Variants in FXR1 observed in about 807,000 individuals in gnomAD.
FXR1 encodes the protein FMR1 autosomal homolog 1, also known as RNA-binding protein FXR1.
FXR1 carries 15 observed loss-of-function variants against 84.0 expected under a neutral mutation model. The observed-to-expected ratio is 0.18, with a 90% CI of 0.12 to 0.27. FXR1 has a LOEUF of 0.27. Among genes scored for constraint, FXR1 ranks in the 10% least tolerant of loss-of-function variants. The pLI, the probability that FXR1 is intolerant of heterozygous loss-of-function variation, is 1.00. For synonymous variants in FXR1, 245 were observed against 250.7 expected, an observed-to-expected ratio of 0.98 and a Z score of 0.21; for missense variants, 480 against 774.4, an observed-to-expected ratio of 0.62 and a Z score of 4.51.
chr3:180,954,471 A>G (rs1023958908), intron 9 of FXR1, among the ~76,000 whole-genome samples: 2 of 152,204 alleles, frequency 1.3e-5, no homozygotes, highest in African/African-American at 2.4e-5. Flanking sequence ...GCTATGGTTA[A>G]ATGAGCATTA....
At chr3:180,962,012 T>G (rs141600634) in intron 11 of FXR1, among the ~76,000 whole-genome samples, 27 of 152,342 alleles carry the variant, frequency 1.8e-4, no homozygotes, top group African/African-American at 6.3e-4. Flanking sequence ...CCACTGACAT[T>G]ACTCGATAAT....
In FXR1 at chr3:180,912,745, C is replaced by A; in HGVS notation, c.51+9C>A. 6.2e-7 allele frequency: 1 copy of A among 1,614,018 alleles called. No individual in the cohort carries two copies. Among genetic ancestry groups the A allele is most frequent in the Non-Finnish European group, 8.5e-7 (1 of 1,179,988 alleles). On this transcript the variant is annotated intron_variant, in intron 1 of 16. Coordinates refer to ENST00000357559, the MANE Select transcript of FXR1 (RefSeq NM_005087.4). ...ACGGGGCTTTCTACAAGGTACTGACCGTTTTGCCACTTTGTCGAGTGTTCT... is the reference window on the plus strand; with the variant it reads ...ACGGGGCTTTCTACAAGGTACTGACAGTTTTGCCACTTTGTCGAGTGTTCT...
rs1324173125 is a variant in FXR1, at chr3:180,924,240, G to A, written c.52-9094G>A. ...GCTGGGATTACAGGTGTGAGCTGTC[G>A]TGCCCAGCCTTCAGCCCGAGTTTCT... On this transcript the variant is annotated intron_variant, in intron 1 of 16. Transcript: ENST00000357559. Among the ~76,000 whole-genome samples, 6 of 152,142 alleles carry A rather than the reference G, an allele frequency of 3.9e-5. No individual in the cohort carries two copies. The East Asian group carries it at 5.8e-4, about 15-fold the overall frequency.
In FXR1 at chr3:180,979,756, TACC is replaced by T. The variant is rs1176354003; in HGVS notation, c.*3467_*3469del. 3 of 152,064 alleles carry T rather than the reference TACC, an allele frequency of 2.0e-5. No homozygotes were observed. Among genetic ancestry groups the T allele is most frequent in the Non-Finnish European group, 4.4e-5 (3 of 67,956 alleles). 9.4% of individuals were successfully genotyped at this position (152,064 alleles called of 1,614,324 possible). On this transcript the variant is annotated 3_prime_UTR_variant, in exon 17 of 17. Transcript: ENST00000357559. ...TCCATTACACTGAACAGTAGGAAAT[TACC>T]ACTTTTGTAAGGCTCAAAAATGATC... is the stretch of plus-strand genomic sequence containing the variant.
At chr3:180,938,679 G>A (rs1303186057) in intron 3 of FXR1, among the ~76,000 whole-genome samples, 1 of 151,842 alleles carries the variant, frequency 6.6e-6, no homozygotes, top group Non-Finnish European at 1.5e-5. Flanking sequence ...CTCCCTAGTA[G>A]CTGGGATTAC....
chr3:180,944,288 G>A (rs1422787913), intron 3 of FXR1, among the ~76,000 whole-genome samples: 1 of 151,736 alleles, frequency 6.6e-6, no homozygotes, highest in African/African-American at 2.4e-5. Context: ...TAATTTTGTA[G>A]CAGAAAGAAT....
chr3:180,917,883 G>T (rs1718088841), intron 1 of FXR1, among the ~76,000 whole-genome samples: 1 of 144,826 alleles, frequency 6.9e-6, no homozygotes, highest in African/African-American at 2.6e-5. Flanking sequence ...GGAGGCAGAG[G>T]TTGCAGTGAG....
At chr3:180,950,117 G>A (rs565897247) in intron 7 of FXR1, among the ~76,000 whole-genome samples, 1 of 152,136 alleles carries the variant, frequency 6.6e-6, no homozygotes, top group African/African-American at 2.4e-5. Context: ...ACTCTGTTTT[G>A]TCCTGTTCTT....
At chr3:180,953,955 T>G (rs1163261791) in intron 9 of FXR1, 115 bp downstream of exon 9, 7 of 609,064 alleles carry the variant, frequency 1.1e-5, no homozygotes, top group Non-Finnish European at 2.0e-5. Flanking sequence ...TATGTGTAGA[T>G]TTATTTAGAT....
intron 15 of FXR1, among the ~76,000 whole-genome samples, 161 bp from the exon 16 acceptor site, chr3:180,975,152 A>ATTT (rs771132895): frequency 6.6e-6 from 1 of 152,196 alleles, no homozygotes; most frequent in Admixed American, 6.5e-5. Flanking sequence ...GCCCAGGTAG[A>ATTT]TTTTTAAAGC....
chr3:180,963,174 ATTAG>A lies in FXR1; in HGVS notation c.1198+87_1198+90del, dbSNP rs1355580485. The A allele has an allele frequency of 3.1e-5, 20 of 643,648 alleles. 1 individual carries two copies. Among genetic ancestry groups the A allele is most frequent in the Middle Eastern group, 4.2e-4 (1 of 2,390 alleles). 39.9% of individuals were successfully genotyped at this position (643,648 alleles called of 1,614,324 possible). ...AGGTGCTCTAACACATTTTCTTATA[ATTAG>A]TTCATTACTCTGTCTTGGCTTTGAG... On this transcript the variant is annotated intron_variant, in intron 13 of 16. Transcript: ENST00000357559.
At chr3:180,958,784 A>G (rs1172433825) in intron 10 of FXR1, among the ~76,000 whole-genome samples, 3 of 150,506 alleles carry the variant, frequency 2.0e-5, no homozygotes, top group Non-Finnish European at 3.0e-5. Context: ...TTACATTGCT[A>G]TAGAATCTGA....
intron 1 of FXR1, among the ~76,000 whole-genome samples, chr3:180,925,253 C>A (rs529397185): frequency 6.6e-6 from 1 of 151,512 alleles, no homozygotes; most frequent in Non-Finnish European, 1.5e-5. Flanking sequence ...CCCAGCTACT[C>A]GGAAGGCTAA....
chr3:180,953,775 T>TA lies in FXR1; in HGVS notation c.821dup (p.Ala275GlyfsTer2). 5 of 1,573,300 alleles carry TA rather than the reference T, an allele frequency of 3.2e-6. No individual in the cohort carries two copies. The highest frequency in any genetic ancestry group is 4.4e-6 in the Non-Finnish European group (5 of 1,143,644). On this transcript the variant is annotated frameshift_variant, in exon 9 of 17. Transcript: ENST00000357559. LOFTEE classifies it high-confidence loss of function. Reference sequence around the variant, plus strand: ...CCTCATCTACAGAGTGCTGATGCTGTAAAAAAGGCTAGAGGTTTCTTGGAA... The same window carrying TA: ...CCTCATCTACAGAGTGCTGATGCTGTAAAAAAAGGCTAGAGGTTTCTTGGAA...
intron 10 of FXR1, 75 bp downstream of exon 10, chr3:180,958,003 TC>T: frequency 1.6e-6 from 1 of 624,832 alleles, no homozygotes; most frequent in South Asian, 2.3e-5. Context: ...AAACATTTTG[TC>T]TGTTTTATCT....
intron 1 of FXR1, chr3:180,927,707 C>A: frequency 2.1e-6 from 1 of 476,866 alleles, no homozygotes; most frequent in South Asian, 3.9e-5. Flanking sequence ...GTAGGATCTA[C>A]AAGACACAAA....
chr3:180,928,376 C>T (rs1719482120), intron 1 of FXR1, among the ~76,000 whole-genome samples: 1 of 134,610 alleles, frequency 7.4e-6, no homozygotes, highest in South Asian at 2.8e-4. Flanking sequence ...AGCCCCCCCA[C>T]CCCATTTTAG....
At chr3:180,927,526 A>AT (rs551097896) in intron 1 of FXR1, 53 of 549,838 alleles carry the variant, frequency 9.6e-5, no homozygotes, top group Middle Eastern at 9.2e-4. Flanking sequence ...AGCCTATAGG[A>AT]TTTTTTTTCC....
rs182977584 is a variant in FXR1 at position 180,947,789 on chromosome 3, G to A, written c.199-76G>A. ...TTCATTCTTAAGTTTATTGGGATTG[G>A]GTATTAATAAAAAGTCATTTACAGC... On this transcript the variant is annotated intron_variant, in intron 3 of 16. Coordinates refer to ENST00000357559, the MANE Select transcript of FXR1 (RefSeq NM_005087.4). The A allele has an allele frequency of 3.2e-5, 20 of 620,578 alleles. No individual in the cohort carries two copies. The Admixed American group carries it at 4.6e-4, about 14-fold the overall frequency. 38.4% of individuals were successfully genotyped at this position (620,578 alleles called of 1,614,324 possible).
Sources: allele counts gnomAD v4.1 joint callset (sites outside exome capture counted in the v4.1 genomes callset), GRCh38; gene constraint gnomAD v4.1.1; transcripts MANE v1.5; gene names NCBI Gene and HGNC (gene_info 2026-07-23, HGNC 2026-07-21).